Variants in ZC3H3 observed in about 807,000 individuals in gnomAD.
ZC3H3 encodes zinc finger CCCH-type containing 3, also known as zinc finger CCCH domain-containing protein 3.
A neutral mutation model predicts 77.3 loss-of-function variants in ZC3H3; 36 were observed. The observed-to-expected ratio is 0.47, with a 90% confidence interval of 0.36 to 0.61. The LOEUF (loss-of-function observed/expected upper bound fraction) is 0.61. ZC3H3 is among the 20% of genes least tolerant of loss of function. The pLI is 0.00. For synonymous variants in ZC3H3, 626 were observed against 555.2 expected, an observed-to-expected ratio of 1.13 and a Z score of -1.79; for missense variants, 1,331 against 1,312.2, an observed-to-expected ratio of 1.01 and a Z score of -0.22.
intron 4 of ZC3H3, among the ~76,000 whole-genome samples, chr8:143,483,803 G>A (rs183482043): frequency 8.2e-4 from 125 of 152,318 alleles, no homozygotes; most frequent in Non-Finnish European, 1.5e-3. Context: ...CCAGACCGTG[G>A]GGCCCTCACC....
chr8:143,469,055 G>A (rs1012290394), intron 5 of ZC3H3, among the ~76,000 whole-genome samples: 1 of 152,218 alleles, frequency 6.6e-6, no homozygotes, highest in African/African-American at 2.4e-5. Flanking sequence ...CGCTTTGCTG[G>A]CTGGAACCCC....
chr8:143,507,666 G>C, intron 4 of ZC3H3, 80 bp downstream of exon 4: 1 of 1,384,726 alleles, frequency 7.2e-7, no homozygotes, highest in Non-Finnish European at 9.4e-7. Flanking sequence ...CTGGCCCTTG[G>C]ATTCTACCCT....
At chr8:143,473,623 A>G (rs771467346) in intron 5 of ZC3H3, among the ~76,000 whole-genome samples, 33 of 152,190 alleles carry the variant, frequency 2.2e-4, no homozygotes, top group Admixed American at 1.1e-3. Context: ...GTGTCAGTGC[A>G]CTCAGGACAG....
intron 9 of ZC3H3, among the ~76,000 whole-genome samples, chr8:143,449,937 T>A (rs1444451374): frequency 6.6e-6 from 1 of 152,170 alleles, no homozygotes; most frequent in Non-Finnish European, 1.5e-5. Flanking sequence ...CAGCCTGGAC[T>A]TCACTGTCCA....
chr8:143,508,107 G>C (rs931234553), intron 3 of ZC3H3, among the ~76,000 whole-genome samples: 2 of 152,248 alleles, frequency 1.3e-5, no homozygotes, highest in African/African-American at 4.8e-5. Context: ...AGCCAGTGCA[G>C]CCTCTGAGAG....
Position 143,494,696 on chromosome 8 carries a change from G to A in ZC3H3, c.1715+13050C>T, listed in dbSNP as rs1221390985. Among the ~76,000 whole-genome samples the A allele has an allele frequency of 1.3e-5, 2 of 152,176 alleles. No homozygotes were observed. Among genetic ancestry groups the A allele is most frequent in the South Asian group, 2.1e-4 (1 of 4,830 alleles). On this transcript the variant is annotated intron_variant, in intron 4 of 11. Transcript: ENST00000262577. The surrounding 1 kb of genome is among the most constrained non-coding windows in gnomAD (Gnocchi z 5.3). ...AGGAACACAGCCCCCAGAGGGCCAGGAGCCCCCACACTCACCCTGAGACCC... is the reference window on the plus strand; with the variant it reads ...AGGAACACAGCCCCCAGAGGGCCAGAAGCCCCCACACTCACCCTGAGACCC...
Position 143,539,085 on chromosome 8 carries a change from C to A in ZC3H3, c.282G>T (p.Pro94=), listed in dbSNP as rs144304194. Reference sequence around the variant, plus strand: ...GCTGGCCCCCCCGGGCCCCGTGCAACGGCCGCACAGCATGGTCGGCAGGAG... The same window carrying A: ...GCTGGCCCCCCCGGGCCCCGTGCAAAGGCCGCACAGCATGGTCGGCAGGAG... ...SDPPADHAVR[P]LHGARGGQPP... The change falls in exon 2 of 12, where the codon CCG becomes CCT. Residue 94 remains proline (P), a synonymous_variant. Transcript: ENST00000262577. The A allele has an allele frequency of 3.1e-6, 5 of 1,612,932 alleles. No homozygotes were observed. The highest frequency in any genetic ancestry group is 4.2e-6 in the Non-Finnish European group (5 of 1,180,002).
chr8:143,508,771 C>T (rs1821787840), intron 3 of ZC3H3, among the ~76,000 whole-genome samples: 1 of 152,000 alleles, frequency 6.6e-6, no homozygotes, highest in African/African-American at 2.4e-5. Flanking sequence ...CCCACCCAGC[C>T]CAGCCCAGGG....
At chr8:143,438,876 A>T (rs1321004740) in intron 11 of ZC3H3, among the ~76,000 whole-genome samples, 1 of 152,198 alleles carries the variant, frequency 6.6e-6, no homozygotes, top group East Asian at 1.9e-4. Context: ...GCTACAGACT[A>T]CACAGGCTCT....
At chr8:143,455,779 C>T (rs1037574614) in intron 9 of ZC3H3, among the ~76,000 whole-genome samples, 1 of 151,494 alleles carries the variant, frequency 6.6e-6, no homozygotes, top group African/African-American at 2.4e-5. Flanking sequence ...TCAAGGCCAG[C>T]CTGGCCAACA....
At position 143,533,850 on chromosome 8, in the gene ZC3H3, ATT is replaced by A. The variant is rs1216225448; in HGVS notation, c.1561+2405_1561+2406del. Among the ~76,000 whole-genome samples the A allele has an allele frequency of 6.6e-6, 1 of 152,006 alleles. No individual in the cohort carries two copies. The highest frequency in any genetic ancestry group is 2.4e-5 in the African/African-American group (1 of 41,402). On this transcript the variant is annotated intron_variant, in intron 3 of 11. Transcript: ENST00000262577. The surrounding 1 kb of genome is among the most constrained non-coding windows in gnomAD (Gnocchi z 4.0). ...GCCACCACACCCAGCTAATTTTTGT[ATT>A]TTTAGTAGAGACGGGGTTTTGCCAT...
At chr8:143,521,084 G>A (rs908418889) in intron 3 of ZC3H3, among the ~76,000 whole-genome samples, 4 of 152,118 alleles carry the variant, frequency 2.6e-5, no homozygotes, top group South Asian at 4.1e-4. Flanking sequence ...CCTGGGAGGG[G>A]CAGGCCCGGC....
chr8:143,517,987 G>A (rs1822115929), intron 3 of ZC3H3, among the ~76,000 whole-genome samples: 1 of 152,184 alleles, frequency 6.6e-6, no homozygotes, highest in Non-Finnish European at 1.5e-5. Context: ...AAGCCCCGAG[G>A]CCCTGGCCAC....
chr8:143,490,994 G>A (rs1330842218), intron 4 of ZC3H3, among the ~76,000 whole-genome samples: 3 of 152,186 alleles, frequency 2.0e-5, no homozygotes, highest in Admixed American at 6.5e-5. Flanking sequence ...TTAAAACGGC[G>A]GCACCCAGGT....
chr8:143,472,559 T>C (rs2129893826), intron 5 of ZC3H3, among the ~76,000 whole-genome samples: 1 of 152,228 alleles, frequency 6.6e-6, no homozygotes, highest in South Asian at 2.1e-4. Flanking sequence ...CCCTGGGCCA[T>C]CCGGGTGGTG....
chr8:143,457,065 A>G (rs1295710438), intron 9 of ZC3H3, among the ~76,000 whole-genome samples: 1 of 152,244 alleles, frequency 6.6e-6, no homozygotes, highest in East Asian at 1.9e-4. Context: ...TCAAGGATAT[A>G]GAGAACTCAA....
At chr8:143,440,572 C>T (rs1007442461) in intron 10 of ZC3H3, among the ~76,000 whole-genome samples, 9 of 152,170 alleles carry the variant, frequency 5.9e-5, no homozygotes, top group African/African-American at 2.2e-4. Flanking sequence ...CTGCCCCTCA[C>T]ATCCAGGGCC....
intron 4 of ZC3H3, among the ~76,000 whole-genome samples, chr8:143,504,089 G>A (rs1259809132): frequency 1.3e-5 from 2 of 152,190 alleles, no homozygotes; most frequent in Non-Finnish European, 2.9e-5. Flanking sequence ...GGGCTGCAGG[G>A]AAGGGGAGTT....
At position 143,534,878 on chromosome 8, in the gene ZC3H3, C is replaced by T. The variant is rs145757234; in HGVS notation, c.1561+1379G>A. On this transcript the variant is annotated intron_variant, in intron 3 of 11. Transcript: ENST00000262577. ...ACCAGCGCCCCCAGCCCCACTTCCTCCCACCCCACTGTGCTGCAACACCCG... is the reference window on the plus strand; with the variant it reads ...ACCAGCGCCCCCAGCCCCACTTCCTTCCACCCCACTGTGCTGCAACACCCG... 9.7e-3 allele frequency among the ~76,000 whole-genome samples: 1,475 copies of T among 152,078 alleles called. 22 individuals carry two copies. Among genetic ancestry groups the T allele is most frequent in the African/African-American group, 0.034 (1,396 of 41,470 alleles).
Sources: allele counts gnomAD v4.1 joint callset (sites outside exome capture counted in the v4.1 genomes callset), GRCh38; gene constraint gnomAD v4.1.1; non-coding constraint Gnocchi (gnomAD v3.1); transcripts MANE v1.5; gene names NCBI Gene and HGNC (gene_info 2026-07-23, HGNC 2026-07-21).